The following OTOF variants were observed in gnomAD, a reference collection of about 807,000 sequenced individuals.
The protein encoded by OTOF is otoferlin.
In OTOF, 218 loss-of-function variants were observed where a neutral mutation model predicts 236.8. That is an observed-to-expected ratio of 0.92 (90% CI 0.82 to 1.03). The LOEUF (loss-of-function observed/expected upper bound fraction) is 1.03. Among genes scored for constraint, OTOF ranks in the 50% least tolerant of loss-of-function variants. OTOF has a pLI of 0.00. For synonymous variants in OTOF, 1,041 were observed against 1,072.5 expected (o/e 0.97, Z 0.57); for missense variants, 2,590 against 2,694.4 (o/e 0.96, Z 0.86).
Position 26,473,708 on chromosome 2 carries a change from G to A in OTOF, c.3409-141C>T. 2.1e-6 allele frequency: 2 copies of A among 970,816 alleles called. No individual in the cohort carries two copies. Among genetic ancestry groups the A allele is most frequent in the Non-Finnish European group, 3.0e-6 (2 of 658,088 alleles). 60.1% of individuals were successfully genotyped at this position (970,816 alleles called of 1,614,324 possible). ...CCCCAGATTTCAAAGGGTGGGAGCAGGGCCAGGAGAGCAGAGGAGGGGCAG... is the reference window on the plus strand; with the variant it reads ...CCCCAGATTTCAAAGGGTGGGAGCAAGGCCAGGAGAGCAGAGGAGGGGCAG... On this transcript the variant is annotated intron_variant, in intron 27 of 46. Transcript: ENST00000272371. This position sits in a 1 kb window ranked among gnomAD's most constrained non-coding sequence, Gnocchi z 7.2.
chr2:26,503,621 C>G (rs1666174093), intron 6 of OTOF, 151 bp downstream of exon 6: 5 of 710,142 alleles, frequency 7.0e-6, no homozygotes, highest in Non-Finnish European at 1.2e-5. Context: ...TAGGGCGTCT[C>G]CTTCCTAGAG....
chr2:26,458,380 C>T (rs1324377249), intron 46 of OTOF, among the ~76,000 whole-genome samples, 160 bp from the exon 47 acceptor site: 2 of 152,178 alleles, frequency 1.3e-5, no homozygotes, highest in Admixed American at 6.5e-5. Flanking sequence ...TCTAAGTACC[C>T]GACTTGCTGC....
intron 5 of OTOF, among the ~76,000 whole-genome samples, chr2:26,515,569 G>A (rs1666502967): frequency 6.6e-6 from 1 of 152,224 alleles, no homozygotes; most frequent in African/African-American, 2.4e-5. Context: ...GGTTTCTTCA[G>A]CAGAGGGACT....
In OTOF at chr2:26,477,345, C is replaced by T. The variant is rs1665357602; in HGVS notation, c.2407-57G>A. 3 of 1,590,476 alleles carry T rather than the reference C, an allele frequency of 1.9e-6. No individual in the cohort carries two copies. Among genetic ancestry groups the T allele is most frequent in the African/African-American group, 1.3e-5 (1 of 74,480 alleles). On this transcript the variant is annotated intron_variant, in intron 20 of 46. Coordinates refer to ENST00000272371, the MANE Select transcript of OTOF (RefSeq NM_194248.3). This position sits in a 1 kb window ranked among gnomAD's most constrained non-coding sequence, Gnocchi z 4.7. Reference sequence around the variant, plus strand: ...AACTGGGGGACAGCTCGGGCCATGACAAAGGGGGTTGTGACACCTTCTCAC... The same window carrying T: ...AACTGGGGGACAGCTCGGGCCATGATAAAGGGGGTTGTGACACCTTCTCAC...
Position 26,467,349 on chromosome 2 carries a change from G to T in OTOF, c.4227+16C>A, listed in dbSNP as rs1664781485. On this transcript the variant is annotated intron_variant, in intron 34 of 46. Coordinates refer to ENST00000272371, the MANE Select transcript of OTOF (RefSeq NM_194248.3). ...GCCCCCACACACCCTAGAAGGGTCT[G>T]CTCCTAGGCTCTCACCTTAAGCTCA... The T allele has an allele frequency of 1.9e-6, 3 of 1,613,678 alleles. No individual in the cohort carries two copies. Among genetic ancestry groups the T allele is most frequent in the Non-Finnish European group, 2.5e-6 (3 of 1,179,984 alleles).
chr2:26,513,303 A>G (rs568462364), intron 5 of OTOF, among the ~76,000 whole-genome samples: 2 of 152,264 alleles, frequency 1.3e-5, no homozygotes, highest in South Asian at 4.1e-4. Flanking sequence ...TGAGGACAGG[A>G]TGAATGTGGG....
In OTOF at chr2:26,475,476, C is replaced by T. The variant is rs1233899315; in HGVS notation, c.3009G>A (p.Leu1003=). 6.2e-6 allele frequency: 10 copies of T among 1,612,838 alleles called. No homozygotes were observed. Among genetic ancestry groups the T allele is most frequent in the Non-Finnish European group, 8.5e-6 (10 of 1,179,886 alleles). ...CCAGCATCTGGTCCCAGGTGGGACA[C>T]AGGGTCTCATTCAGCACCTGCAGCA... ...SQCTEVLNET[L]CPTWDQMLVF... The change falls in exon 25 of 47, where the codon CTG becomes CTA. Residue 1003 remains leucine (L), a synonymous_variant. Transcript: ENST00000272371.
intron 1 of OTOF, among the ~76,000 whole-genome samples, chr2:26,538,081 T>C (rs1003481759): frequency 1.3e-5 from 2 of 152,172 alleles, no homozygotes; most frequent in South Asian, 2.1e-4. Context: ...AGGCACTCTT[T>C]TCCACCATGT....
intron 3 of OTOF, among the ~76,000 whole-genome samples, chr2:26,527,264 C>A (rs574061294): frequency 9.5e-4 from 144 of 152,362 alleles, no homozygotes; most frequent in African/African-American, 3.3e-3. Context: ...TCATTTAATT[C>A]ACACAGCTGC....
chr2:26,476,759 C>T, intron 22 of OTOF, 132 bp downstream of exon 22: 1 of 572,380 alleles, frequency 1.7e-6, no homozygotes, highest in Non-Finnish European at 3.2e-6. Context: ...CACGTCCTTC[C>T]CATTCTTGGC....
chr2:26,540,176 C>T (rs952649284), intron 1 of OTOF, among the ~76,000 whole-genome samples: 9 of 152,230 alleles, frequency 5.9e-5, no homozygotes, highest in Non-Finnish European at 1.0e-4. Flanking sequence ...CAAGTGATCT[C>T]CCACCTCGGC....
chr2:26,525,473 C>G (rs1666778329), intron 3 of OTOF, among the ~76,000 whole-genome samples: 1 of 152,230 alleles, frequency 6.6e-6, no homozygotes, highest in Non-Finnish European at 1.5e-5. Flanking sequence ...GCAGCCTGTT[C>G]CTCATCCTGC....
In OTOF at chr2:26,473,563, A is replaced by G. The variant is rs397515599; in HGVS notation, c.3413T>C (p.Leu1138Pro). 2.5e-6 allele frequency: 4 copies of G among 1,603,460 alleles called. No individual in the cohort carries two copies. The highest frequency in any genetic ancestry group is 2.5e-6 in the Non-Finnish European group (3 of 1,176,828). The change falls in exon 28 of 47, where the codon CTG becomes CCG. Residue 1138 changes from leucine to proline, a missense_variant. This residue lies in a region of OTOF where 1,211 missense variants were observed against 1,352.8 expected (regional missense o/e 0.90). Coordinates refer to ENST00000272371, the MANE Select transcript of OTOF (RefSeq NM_194248.3). The surrounding 1 kb of genome is among the most constrained non-coding windows in gnomAD (Gnocchi z 7.2). ...PVLSKYRVEV[L>P]FWGLRDLKRV... Reference sequence around the variant, plus strand: ...CTTTAGGTCCCGTAGGCCCCAGAACAGCACCTGGGAGAGGTTGGAGGGTGG... The same window carrying G: ...CTTTAGGTCCCGTAGGCCCCAGAACGGCACCTGGGAGAGGTTGGAGGGTGG...
At chr2:26,506,742 G>A (rs988690846) in intron 5 of OTOF, among the ~76,000 whole-genome samples, 1 of 152,230 alleles carries the variant, frequency 6.6e-6, no homozygotes, top group Non-Finnish European at 1.5e-5. Context: ...ACTCACACCT[G>A]TAATCCCAGC....
Position 26,466,076 on chromosome 2 carries a change from C to T in OTOF, c.4501G>A (p.Ala1501Thr), listed in dbSNP as rs557990660. 2.5e-6 allele frequency: 4 copies of T among 1,614,134 alleles called. No individual in the cohort carries two copies. In the East Asian group the frequency reaches 8.9e-5, roughly 36 times the overall value. ...ATGTCAGCAGGGTGCAGGTCCGTGG[C>T]CTGGAATGGGGAGAAGGGCTGCCTG... The part of the protein sequence containing the change: ...NVLVRVYVVR[A>T]TDLHPADING... The change falls in exon 37 of 47, where the codon GCC becomes ACC. Residue 1501 changes from alanine (A) to threonine (T), a missense_variant and splice_region_variant. Physicochemically the swap from Ala to Thr is moderately conservative, Grantham distance 58 (BLOSUM62 0). Around this residue, in one of 2 missense-constraint regions of OTOF, gnomAD observed 1,211 missense variants for 1,352.8 expected, o/e 0.90. Coordinates refer to ENST00000272371, the MANE Select transcript of OTOF (RefSeq NM_194248.3).
At chr2:26,497,330 C>T (rs1163563054) in intron 8 of OTOF, among the ~76,000 whole-genome samples, 1 of 152,026 alleles carries the variant, frequency 6.6e-6, no homozygotes, top group Admixed American at 6.6e-5. Flanking sequence ...CAGTCTCCCT[C>T]GTGATCCACC....
Position 26,458,216 on chromosome 2 carries a change from G to T in OTOF, c.*22C>A, listed in dbSNP as rs1408739993. On this transcript the variant is annotated 3_prime_UTR_variant, in exon 47 of 47. Transcript: ENST00000272371. ...AGGAACCAGACGAAGGCCGTGTCGG[G>T]CCGGCTGGGAAGTGGAAGAGAGGAG... 1.5e-5 allele frequency: 24 copies of T among 1,580,162 alleles called. No individual in the cohort carries two copies. The highest frequency in any genetic ancestry group is 5.7e-5 in the South Asian group (5 of 87,408).
chr2:26,506,520 T>C (rs1244062653), intron 5 of OTOF, among the ~76,000 whole-genome samples: 2 of 152,196 alleles, frequency 1.3e-5, no homozygotes, highest in Admixed American at 6.5e-5. Context: ...CTGGCCCTGC[T>C]GCCTGAGTCC....
intron 9 of OTOF, among the ~76,000 whole-genome samples, chr2:26,492,419 A>G (rs1039182879): frequency 6.6e-6 from 1 of 152,212 alleles, no homozygotes; most frequent in African/African-American, 2.4e-5. Context: ...AAAGAACAAA[A>G]ATGTGATCAG....
Sources: allele counts gnomAD v4.1 joint callset (sites outside exome capture counted in the v4.1 genomes callset), GRCh38; gene constraint gnomAD v4.1.1; regional missense constraint gnomAD v4.1.1; non-coding constraint Gnocchi (gnomAD v3.1); transcripts MANE v1.5; gene names NCBI Gene and HGNC (gene_info 2026-07-23, HGNC 2026-07-21).